PDZRN4: variants seen among roughly 807,000 people sequenced by gnomAD.
The protein encoded by PDZRN4 is PDZ domain containing ring finger 4, also known as PDZ domain-containing RING finger protein 4.
A neutral mutation model predicts 99.0 loss-of-function variants in PDZRN4; 70 were observed. The ratio of observed to expected loss-of-function variants is 0.71; its 90% confidence interval spans 0.58 to 0.86. The LOEUF (loss-of-function observed/expected upper bound fraction) is 0.86, where lower values mean the gene tolerates loss of function less well. Among genes scored for constraint, PDZRN4 ranks in the 40% least tolerant of loss-of-function variants. The pLI, the probability that PDZRN4 is intolerant of heterozygous loss-of-function variation, is 0.00. For missense variants in PDZRN4, 1,474 were observed against 1,331.2 expected, an observed-to-expected ratio of 1.11 and a Z score of -1.67; for synonymous variants, 551 against 501.6, an observed-to-expected ratio of 1.10 and a Z score of -1.32.
intron 5 of PDZRN4, among the ~76,000 whole-genome samples, chr12:41,549,593 C>T (rs1939018369): frequency 6.6e-6 from 1 of 152,174 alleles, no homozygotes; most frequent in Non-Finnish European, 1.5e-5. Context: ...TCACTTGGGT[C>T]TCTTATGGTG....
intron 3 of PDZRN4, among the ~76,000 whole-genome samples, chr12:41,422,331 C>T (rs1355181087): frequency 6.6e-6 from 1 of 152,152 alleles, no homozygotes; most frequent in Non-Finnish European, 1.5e-5. Context: ...GTCAAATGAG[C>T]TGTGTGTCAC....
chr12:41,495,022 C>T (rs1937968450), intron 3 of PDZRN4, among the ~76,000 whole-genome samples: 1 of 152,090 alleles, frequency 6.6e-6, no homozygotes, highest in Admixed American at 6.6e-5. Flanking sequence ...GTCCATGTTG[C>T]ACAACTTCTA....
At position 41,573,892 on chromosome 12, in the gene PDZRN4, C is replaced by A; in HGVS notation, c.*2C>A. On this transcript the variant is annotated 3_prime_UTR_variant, in exon 10 of 10. Coordinates refer to ENST00000402685, the MANE Select transcript of PDZRN4 (RefSeq NM_001164595.2). Reference sequence around the variant, plus strand: ...TTCTTGTCGGTGACCACTGTATGACCGAATGAATGGAATGCATGCGACTGA... The same window carrying A: ...TTCTTGTCGGTGACCACTGTATGACAGAATGAATGGAATGCATGCGACTGA... 3 of 1,536,092 alleles carry A rather than the reference C, an allele frequency of 2.0e-6. No individual in the cohort carries two copies. The highest frequency in any genetic ancestry group is 1.7e-6 in the Non-Finnish European group (2 of 1,143,890).
intron 3 of PDZRN4, among the ~76,000 whole-genome samples, chr12:41,404,755 A>G (rs1006263287): frequency 7.2e-5 from 11 of 151,796 alleles, no homozygotes; most frequent in African/African-American, 2.7e-4. Context: ...AAAAAAAAAA[A>G]GAGCATAGTA....
At chr12:41,205,091 A>G (rs1950840052) in intron 3 of PDZRN4, among the ~76,000 whole-genome samples, 1 of 151,998 alleles carries the variant, frequency 6.6e-6, no homozygotes, top group African/African-American at 2.4e-5. Flanking sequence ...ATAAAATGAG[A>G]CAAAATGCTA....
intron 3 of PDZRN4, among the ~76,000 whole-genome samples, chr12:41,467,482 T>C (rs1248742708): frequency 6.6e-6 from 1 of 152,142 alleles, no homozygotes; most frequent in African/African-American, 2.4e-5. Context: ...TCCTACTCAA[T>C]AGAAAAAACA....
intron 3 of PDZRN4, among the ~76,000 whole-genome samples, chr12:41,455,598 G>T (rs1212063207): frequency 6.6e-6 from 1 of 152,132 alleles, no homozygotes; most frequent in African/African-American, 2.4e-5. Context: ...GTAGCATCTT[G>T]TACTGAACCT....
intron 3 of PDZRN4, among the ~76,000 whole-genome samples, chr12:41,331,000 A>G (rs1040272085): frequency 2.0e-5 from 3 of 152,172 alleles, no homozygotes; most frequent in African/African-American, 7.2e-5. Context: ...GAGACCAAAA[A>G]GCTGAGAGAA....
At chr12:41,464,040 A>G (rs1952899290) in intron 3 of PDZRN4, among the ~76,000 whole-genome samples, 1 of 152,140 alleles carries the variant, frequency 6.6e-6, no homozygotes, top group Non-Finnish European at 1.5e-5. Context: ...GTCTATTGCG[A>G]AGGTTGGATT....
chr12:41,205,150 A>G (rs1950840371), intron 3 of PDZRN4, among the ~76,000 whole-genome samples: 1 of 151,948 alleles, frequency 6.6e-6, no homozygotes. Flanking sequence ...TTCATCAGAC[A>G]TACATTTGTC....
At chr12:41,255,423 T>C (rs1194238813) in intron 3 of PDZRN4, among the ~76,000 whole-genome samples, 2 of 151,400 alleles carry the variant, frequency 1.3e-5, no homozygotes, top group African/African-American at 4.9e-5. Context: ...GTTTTTTTTG[T>C]TTTTTTTGTT....
At chr12:41,555,807 G>A in intron 7 of PDZRN4, 47 bp downstream of exon 7, 1 of 1,414,966 alleles carries the variant, frequency 7.1e-7, no homozygotes, top group South Asian at 1.2e-5. Flanking sequence ...TCTGTCCAAA[G>A]TTACTATTTT....
intron 5 of PDZRN4, among the ~76,000 whole-genome samples, chr12:41,512,310 C>T (rs528852849): frequency 2.0e-5 from 3 of 152,150 alleles, no homozygotes; most frequent in South Asian, 4.2e-4. Flanking sequence ...AAAGTAAAGA[C>T]ATATTCTTTT....
chr12:41,296,052 T>C (rs1951491683), intron 3 of PDZRN4, among the ~76,000 whole-genome samples: 1 of 152,088 alleles, frequency 6.6e-6, no homozygotes. Flanking sequence ...GCAGAAACAA[T>C]AGCCCATACC....
intron 3 of PDZRN4, among the ~76,000 whole-genome samples, chr12:41,500,910 C>T (rs1389377193): frequency 6.6e-6 from 1 of 152,076 alleles, no homozygotes; most frequent in Non-Finnish European, 1.5e-5. Context: ...CTAGATTGTG[C>T]TTTGGCAACA....
At chr12:41,220,666 A>G (rs78380997) in intron 3 of PDZRN4, among the ~76,000 whole-genome samples, 3,424 of 152,290 alleles carry the variant, frequency 0.022, 93 homozygotes, top group African/African-American at 0.066. Context: ...AAGGAAAAAC[A>G]TAGTAAATTT....
chr12:41,377,599 G>A (rs1376498530), intron 3 of PDZRN4, among the ~76,000 whole-genome samples: 1 of 151,992 alleles, frequency 6.6e-6, no homozygotes, highest in African/African-American at 2.4e-5. Context: ...AGGAGGCGGA[G>A]CTTGCAGCGA....
intron 3 of PDZRN4, among the ~76,000 whole-genome samples, chr12:41,233,818 T>G (rs1346229051): frequency 6.6e-6 from 1 of 151,854 alleles, no homozygotes; most frequent in Non-Finnish European, 1.5e-5. Context: ...GGAGATAGCA[T>G]TAGGAGACAT....
At chr12:41,291,862 C>T (rs1206217042) in intron 3 of PDZRN4, among the ~76,000 whole-genome samples, 6 of 106,602 alleles carry the variant, frequency 5.6e-5, no homozygotes, top group African/African-American at 1.3e-4. Flanking sequence ...AAGGAGGCAC[C>T]CCATTACCTC....
Sources: allele counts gnomAD v4.1 joint callset (sites outside exome capture counted in the v4.1 genomes callset), GRCh38; gene constraint gnomAD v4.1.1; transcripts MANE v1.5; gene names NCBI Gene and HGNC (gene_info 2026-07-23, HGNC 2026-07-21).